Variants in YME1L1 observed in about 807,000 individuals in gnomAD.
The protein encoded by YME1L1 is YME1 like 1 ATPase.
A neutral mutation model predicts 90.4 loss-of-function variants in YME1L1; 39 were observed. That is an observed-to-expected ratio of 0.43 (90% CI 0.33 to 0.56). YME1L1 has a LOEUF of 0.56. Ranked by LOEUF, YME1L1 falls within the 20% of genes least tolerant of loss-of-function variation. YME1L1 has a pLI of 0.03. For synonymous variants in YME1L1, 284 were observed against 287.3 expected (o/e 0.99, Z 0.12); for missense variants, 617 against 868.4 (o/e 0.71, Z 3.64).
rs201723895 is a variant in YME1L1 at position 27,138,825 on chromosome 10, G to GA, written c.431-2441dup. ...TGTTCAGAATCTCCAAATTAATGCT[G>GA]AAAAAAAAACCAGGATACTCCATGT... On this transcript the variant is annotated intron_variant, in intron 4 of 18. Transcript: ENST00000376016. Among the ~76,000 whole-genome samples the GA allele has an allele frequency of 3.5e-3, 523 of 148,678 alleles. 4 individuals carry two copies. Among genetic ancestry groups the GA allele is most frequent in the African/African-American group, 0.012 (477 of 40,582 alleles).
chr10:27,152,732 T>C (rs2057235718), intron 1 of YME1L1, among the ~76,000 whole-genome samples: 1 of 152,152 alleles, frequency 6.6e-6, no homozygotes, highest in African/African-American at 2.4e-5. Flanking sequence ...CCATCATCTC[T>C]CTGATCTCTC....
At chr10:27,113,815 C>A (rs1215014496) in intron 18 of YME1L1, among the ~76,000 whole-genome samples, 1 of 149,874 alleles carries the variant, frequency 6.7e-6, no homozygotes, top group East Asian at 2.0e-4. Context: ...TATAGCAAGA[C>A]CCATCCCCTT....
Position 27,134,124 on chromosome 10 carries a change from TA to T in YME1L1, c.692-3del. The T allele has an allele frequency of 6.2e-7, 1 of 1,607,776 alleles. No homozygotes were observed. The highest frequency in any genetic ancestry group is 2.2e-5 in the East Asian group (1 of 44,806). ...TCAGACGGGTTCGCCTTAGGGAATC[TA>T]GGAGAGAAAGAAAAAGCTTTACATG... On this transcript the variant is annotated splice_polypyrimidine_tract_variant and splice_region_variant and intron_variant, in intron 6 of 18. Transcript: ENST00000376016.
intron 5 of YME1L1, among the ~76,000 whole-genome samples, chr10:27,135,573 C>T (rs1436687898): frequency 6.6e-6 from 1 of 152,104 alleles, no homozygotes; most frequent in Non-Finnish European, 1.5e-5. Flanking sequence ...AACAATCTGA[C>T]GGAGGCATGA....
intron 9 of YME1L1, among the ~76,000 whole-genome samples, chr10:27,124,630 G>T (rs1830640319): frequency 6.6e-6 from 1 of 152,246 alleles, no homozygotes; most frequent in East Asian, 1.9e-4. Context: ...ATTAATTTCT[G>T]TGGATTACAT....
chr10:27,130,793 C>T (rs1276599170), intron 8 of YME1L1, among the ~76,000 whole-genome samples: 1 of 152,228 alleles, frequency 6.6e-6, no homozygotes, highest in Non-Finnish European at 1.5e-5. Flanking sequence ...GTGGAGGTTG[C>T]ACTGAGCCGA....
At chr10:27,145,009 C>T (rs2057127208) in intron 3 of YME1L1, among the ~76,000 whole-genome samples, 4 of 152,152 alleles carry the variant, frequency 2.6e-5, no homozygotes, top group Non-Finnish European at 2.9e-5. Flanking sequence ...GGCGTGGTGG[C>T]GGGCGCCTGT....
chr10:27,119,125 T>C (rs992538198), intron 14 of YME1L1, among the ~76,000 whole-genome samples, 169 bp downstream of exon 14: 1 of 152,260 alleles, frequency 6.6e-6, no homozygotes, highest in East Asian at 1.9e-4. Flanking sequence ...GTTGGGAATT[T>C]TGTAAAATCA....
chr10:27,130,073 T>C (rs575748051), intron 8 of YME1L1, among the ~76,000 whole-genome samples: 2 of 152,304 alleles, frequency 1.3e-5, no homozygotes, highest in South Asian at 2.1e-4. Context: ...CCCACTGCAA[T>C]TGGAATTTAA....
intron 9 of YME1L1, among the ~76,000 whole-genome samples, chr10:27,125,173 G>A (rs1387272742): frequency 6.6e-6 from 1 of 152,036 alleles, no homozygotes; most frequent in Non-Finnish European, 1.5e-5. Flanking sequence ...TGCAGGCAAA[G>A]CCTTGAATTA....
At chr10:27,147,641 G>C (rs903605049) in intron 2 of YME1L1, 13 of 1,552,264 alleles carry the variant, frequency 8.4e-6, no homozygotes, top group Non-Finnish European at 1.0e-5. Flanking sequence ...ACAATGTTAA[G>C]CTTCGTCAGG....
intron 3 of YME1L1, among the ~76,000 whole-genome samples, chr10:27,144,753 C>A (rs1385937254): frequency 6.6e-6 from 1 of 152,056 alleles, no homozygotes; most frequent in East Asian, 1.9e-4. Flanking sequence ...TGGATCAGAT[C>A]CTGGAAAAGA....
chr10:27,150,073 T>C (rs1016635365), intron 1 of YME1L1, among the ~76,000 whole-genome samples: 3 of 138,166 alleles, frequency 2.2e-5, no homozygotes, highest in African/African-American at 5.5e-5. Context: ...CAAAACTCCA[T>C]CTCAAAATAA....
chr10:27,153,680 G>GA (rs527343703), intron 1 of YME1L1, among the ~76,000 whole-genome samples: 2 of 152,130 alleles, frequency 1.3e-5, no homozygotes, highest in Admixed American at 1.3e-4. Flanking sequence ...GTCAAAATGA[G>GA]AAAAAAACTT....
intron 2 of YME1L1, chr10:27,146,768 T>C (rs1177545684): frequency 6.5e-6 from 1 of 152,816 alleles, no homozygotes; most frequent in Non-Finnish European, 1.5e-5. Context: ...ATTATATAGC[T>C]CTGGACTGAT....
chr10:27,120,346 T>G (rs1373945738), intron 13 of YME1L1, 89 bp downstream of exon 13: 74 of 866,868 alleles, frequency 8.5e-5, no homozygotes, highest in Non-Finnish European at 1.2e-4. Context: ...TCTTTTAATG[T>G]TAATACATGT....
chr10:27,142,086 T>G (rs34331742), intron 4 of YME1L1, among the ~76,000 whole-genome samples: 12,278 of 152,094 alleles, frequency 0.081, 681 homozygotes, highest in Non-Finnish European at 0.12. Flanking sequence ...AAAATTAATT[T>G]CAATGGGCTT....
chr10:27,125,691 GT>G (rs1411939102), intron 9 of YME1L1, among the ~76,000 whole-genome samples: 4 of 147,404 alleles, frequency 2.7e-5, no homozygotes, highest in African/African-American at 7.6e-5. Flanking sequence ...CCAGACTGGA[GT>G]GCAGTGGGAA....
rs1474922225 is a variant in YME1L1 at position 27,123,543 on chromosome 10, G to A, written c.1102+4C>T. On this transcript the variant is annotated splice_donor_region_variant and intron_variant, in intron 10 of 18. Transcript: ENST00000376016. ...CACTGCATCAAAGATACACCAAAAC[G>A]TACTAAAAAGATTTCTGATACGGCT... The A allele has an allele frequency of 9.3e-6, 15 of 1,613,006 alleles. No individual in the cohort carries two copies. The highest frequency in any genetic ancestry group is 1.3e-5 in the Non-Finnish European group (15 of 1,179,554).
Sources: gnomAD v4.1 joint callset for allele counts (sites outside exome capture counted in the v4.1 genomes callset) on GRCh38, gnomAD v4.1.1 for gene constraint, MANE v1.5 for transcripts, NCBI Gene and HGNC (gene_info 2026-07-23, HGNC 2026-07-21) for gene names.